The following DPP6 variants were observed in gnomAD, a reference collection of about 807,000 sequenced individuals.
DPP6 encodes the protein dipeptidyl peptidase like 6.
Under a neutral mutation model 122.6 loss-of-function variants are expected in DPP6, and 69 were observed. That is an observed-to-expected ratio of 0.56 (90% CI 0.46 to 0.69). The LOEUF (loss-of-function observed/expected upper bound fraction) is 0.69, where lower values mean the gene tolerates loss of function less well. Among genes scored for constraint, DPP6 ranks in the 30% least tolerant of loss-of-function variants. The pLI is 0.00. For missense variants in DPP6, 928 were observed against 1,116.9 expected (o/e 0.83, Z 2.41); for synonymous variants, 418 against 433.1 (o/e 0.97, Z 0.43).
chr7:154,360,292 T>G (rs1164781757), intron 1 of DPP6, among the ~76,000 whole-genome samples: 1 of 152,164 alleles, frequency 6.6e-6, no homozygotes, highest in Non-Finnish European at 1.5e-5. Flanking sequence ...TCTCTAGACC[T>G]CCAATTCCAA....
At chr7:154,369,594 GACC>G (rs1217123546) in intron 1 of DPP6, among the ~76,000 whole-genome samples, 1 of 152,136 alleles carries the variant, frequency 6.6e-6, no homozygotes, top group African/African-American at 2.4e-5. Context: ...TCAAACTCCT[GACC>G]TCTGGGGATC....
intron 1 of DPP6, among the ~76,000 whole-genome samples, chr7:153,944,328 C>T (rs1218451411): frequency 2.1e-4 from 32 of 152,204 alleles, no homozygotes. Flanking sequence ...AACATATACT[C>T]ACCCGAGGCG....
chr7:154,253,723 A>AT (rs1014041120), intron 1 of DPP6, among the ~76,000 whole-genome samples: 1 of 152,244 alleles, frequency 6.6e-6, no homozygotes, highest in African/African-American at 2.4e-5. Flanking sequence ...TATTCCAGAT[A>AT]TTTTAACATA....
intron 1 of DPP6, among the ~76,000 whole-genome samples, chr7:154,211,485 T>G (rs1370467477): frequency 6.6e-6 from 1 of 152,176 alleles, no homozygotes; most frequent in Non-Finnish European, 1.5e-5. Context: ...CCAGTTGATG[T>G]TGTTTATGTA....
chr7:154,698,976 C>T (rs561652630), intron 7 of DPP6, among the ~76,000 whole-genome samples: 1 of 152,178 alleles, frequency 6.6e-6, no homozygotes, highest in African/African-American at 2.4e-5. Context: ...GACGGGATAA[C>T]GAGCCCCTGT....
chr7:154,734,775 C>A (rs1282585479), intron 8 of DPP6, among the ~76,000 whole-genome samples: 1 of 152,178 alleles, frequency 6.6e-6, no homozygotes, highest in African/African-American at 2.4e-5. Context: ...CACGTAAAAG[C>A]TGTATGAACT....
rs1423015529 is a variant in DPP6, at chr7:154,052,680, G to T, written c.-141G>T. 2.4e-6 allele frequency: 3 copies of T among 1,231,778 alleles called. No individual in the cohort carries two copies. Among genetic ancestry groups the T allele is most frequent in the South Asian group, 3.5e-5 (2 of 57,596 alleles). The allele number at this position is 1,231,778 out of a possible 1,614,324, so 76.3% of individuals were successfully genotyped here. On this transcript the variant is annotated 5_prime_UTR_variant, in exon 1 of 26. Transcript: ENST00000377770. This position sits in a 1 kb window ranked among gnomAD's most constrained non-coding sequence, Gnocchi z 4.8. ...CGGGAGGAGCGGCCGCCGGCGCTGGGCTTGCCTTGCTGCTGCTGCTGCTGC... is the reference window on the plus strand; with the variant it reads ...CGGGAGGAGCGGCCGCCGGCGCTGGTCTTGCCTTGCTGCTGCTGCTGCTGC...
chr7:154,722,408 T>G (rs1841864453), intron 7 of DPP6, among the ~76,000 whole-genome samples: 1 of 152,214 alleles, frequency 6.6e-6, no homozygotes. Flanking sequence ...TTAGGGCCAA[T>G]GACATCCCTA....
At chr7:154,844,896 C>T (rs1448111431) in intron 16 of DPP6, among the ~76,000 whole-genome samples, 1 of 152,132 alleles carries the variant, frequency 6.6e-6, no homozygotes, top group African/African-American at 2.4e-5. Context: ...GTGAAGATGG[C>T]CTGGTTGTCA....
Position 154,835,672 on chromosome 7 carries a change from G to A in DPP6, c.1667-18108G>A, listed in dbSNP as rs529224603. Among the ~76,000 whole-genome samples the A allele has an allele frequency of 5.9e-5, 9 of 152,268 alleles. No individual in the cohort carries two copies. The East Asian group carries it at 9.7e-4, about 16-fold the overall frequency. ...AGAAACACAGGGCTGGTGCCCACCC[G>A]TGTCCACTTTAACAAGCCATCCGGG... On this transcript the variant is annotated intron_variant, in intron 16 of 25. Coordinates refer to ENST00000377770, the MANE Select transcript of DPP6 (RefSeq NM_130797.4).
At chr7:154,012,405 G>A (rs1798192636) in intron 1 of DPP6, among the ~76,000 whole-genome samples, 1 of 152,152 alleles carries the variant, frequency 6.6e-6, no homozygotes, top group Non-Finnish European at 1.5e-5. Flanking sequence ...GCTTGGATTA[G>A]GCAATTTGTT....
chr7:154,634,134 T>C (rs1835576105), intron 5 of DPP6, among the ~76,000 whole-genome samples: 1 of 150,316 alleles, frequency 6.7e-6, no homozygotes, highest in African/African-American at 2.4e-5. Flanking sequence ...TTACATTAGG[T>C]ATATCTCCTA....
At chr7:154,828,078 G>A (rs888998872) in intron 16 of DPP6, among the ~76,000 whole-genome samples, 2 of 152,132 alleles carry the variant, frequency 1.3e-5, no homozygotes, top group African/African-American at 4.8e-5. Flanking sequence ...GGGACTATTT[G>A]CAGAACTCGA....
intron 1 of DPP6, among the ~76,000 whole-genome samples, chr7:154,220,124 T>A (rs922824046): frequency 4.6e-5 from 7 of 152,234 alleles, no homozygotes; most frequent in African/African-American, 7.2e-5. Flanking sequence ...AATGCCTATG[T>A]TGGCACTTAA....
intron 1 of DPP6, among the ~76,000 whole-genome samples, chr7:154,260,331 A>C (rs1363197505): frequency 6.6e-6 from 1 of 152,100 alleles, no homozygotes; most frequent in African/African-American, 2.4e-5. Context: ...GGGAACAGGT[A>C]GTGGTTGGTT....
intron 18 of DPP6, among the ~76,000 whole-genome samples, chr7:154,868,522 G>A (rs934666125): frequency 2.6e-5 from 4 of 152,154 alleles, no homozygotes; most frequent in African/African-American, 9.7e-5. Context: ...GAGGAGGTTT[G>A]AGTGCTGTTA....
At chr7:154,139,113 G>A (rs1227973170) in intron 1 of DPP6, among the ~76,000 whole-genome samples, 1 of 151,606 alleles carries the variant, frequency 6.6e-6, no homozygotes, top group Non-Finnish European at 1.5e-5. Context: ...GGTAGATATA[G>A]ACAGATACAG....
the DPP6 span, among the ~76,000 whole-genome samples, chr7:153,872,093 A>G: frequency 6.6e-6 from 1 of 152,176 alleles, no homozygotes; most frequent in Non-Finnish European, 1.5e-5. Context: ...TCTCTTTGTA[A>G]TGGATCCACA....
intron 1 of DPP6, among the ~76,000 whole-genome samples, chr7:154,365,835 G>C (rs1163370219): frequency 6.6e-6 from 1 of 152,018 alleles, no homozygotes; most frequent in Non-Finnish European, 1.5e-5. Flanking sequence ...GCGGACGCCT[G>C]TAGTCCCAGC....
Sources: gnomAD v4.1 joint callset for allele counts (sites outside exome capture counted in the v4.1 genomes callset) on GRCh38, gnomAD v4.1.1 for gene constraint, Gnocchi (gnomAD v3.1) non-coding constraint, MANE v1.5 for transcripts, NCBI Gene and HGNC (gene_info 2026-07-23, HGNC 2026-07-21) for gene names.